Variants in SAMD11 observed in about 807,000 individuals in gnomAD.
SAMD11 encodes sterile alpha motif domain containing 11, also known as sterile alpha motif domain-containing protein 11.
In SAMD11, 77 loss-of-function variants were observed where a neutral mutation model predicts 64.4. The observed-to-expected ratio is 1.20, with a 90% CI of 0.99 to 1.44. SAMD11 has a LOEUF of 1.44. Among genes scored for constraint, SAMD11 ranks in the 40% most tolerant of loss-of-function variants. The pLI is 0.00. For synonymous variants in SAMD11, 658 were observed against 421.9 expected (o/e 1.56, Z -6.86); for missense variants, 1,402 against 943.3 (o/e 1.49, Z -6.37).
At chr1:940,291 C>T (rs1373247200) in intron 7 of SAMD11, 1 of 48,984 alleles carries the variant, frequency 2.0e-5, no homozygotes, top group South Asian at 7.7e-4. Context: ...TCAGGCCGCG[C>T]CGCCGCCCCC....
In SAMD11 at chr1:934,906, GGGAGGCGGC is replaced by G. The variant is rs1235755594; in HGVS notation, c.843-865_843-857del. On this transcript the variant is annotated intron_variant, in intron 4 of 13. Coordinates refer to ENST00000616016, the MANE Select transcript of SAMD11 (RefSeq NM_001385641.1). ...AGGCGGCTGCGTTACAGGTGGGCGG[GGGAGGCGGC>G]TGCGTTACAGGTGGGCGGGGGGGGC... Among the ~76,000 whole-genome samples the G allele has an allele frequency of 2.6e-3, 332 of 126,114 alleles. 76 individuals carry two copies. The highest frequency in any genetic ancestry group is 9.4e-3 in the African/African-American group (297 of 31,642). The allele number at this position is 126,114 out of a possible 152,430, so 82.7% of individuals were successfully genotyped here.
chr1:942,178 C>G lies in SAMD11; in HGVS notation c.1401C>G (p.Ala467=). 2.8e-6 allele frequency: 4 copies of G among 1,432,124 alleles called. No homozygotes were observed. Among genetic ancestry groups the G allele is most frequent in the Non-Finnish European group, 3.7e-6 (4 of 1,089,170 alleles). The allele number at this position is 1,432,124 out of a possible 1,614,324, so 88.7% of individuals were successfully genotyped here. A position where few individuals can be genotyped will look rare whatever the true frequency, so the allele number is the denominator to read the frequency against. The part of the protein sequence containing the change: ...QPPPLLSPQN[A]PHVALGPHLR... ...CCCCCTTGCTGTCGCCGCAGAATGC[C>G]CCTCACGTCGCCCTGGGCCCCCATC... Residue 467 remains alanine (A), a synonymous_variant, in exon 9 of 14, where the codon GCC becomes GCG. Transcript: ENST00000616016.
chr1:939,540 T>C, intron 7 of SAMD11, 128 bp downstream of exon 7: 1 of 1,519,478 alleles, frequency 6.6e-7, no homozygotes, highest in Admixed American at 1.9e-5. Context: ...GCTGAGGCCC[T>C]GCTGACACCA....
intron 5 of SAMD11, among the ~76,000 whole-genome samples, chr1:938,180 G>A (rs1641557891): frequency 6.6e-6 from 1 of 152,188 alleles, no homozygotes; most frequent in Admixed American, 6.5e-5. Context: ...TGGAATGGGT[G>A]CGGTCGGCAG....
chr1:932,408 G>A (rs555601790), intron 4 of SAMD11, among the ~76,000 whole-genome samples: 4 of 152,334 alleles, frequency 2.6e-5, no homozygotes, highest in South Asian at 2.1e-4. Flanking sequence ...CATCCTGCAC[G>A]GGCCCTAGAA....
At chr1:935,950 G>A (rs1450551955) in intron 5 of SAMD11, 54 bp downstream of exon 5, 14 of 1,574,046 alleles carry the variant, frequency 8.9e-6, no homozygotes, top group East Asian at 4.6e-5. Flanking sequence ...GCCAGAGGAC[G>A]GTGGCGTCTC....
chr1:942,366 C>A, intron 9 of SAMD11, 44 bp from the exon 10 acceptor site: 2 of 1,238,154 alleles, frequency 1.6e-6, no homozygotes, highest in Non-Finnish European at 2.2e-6. Flanking sequence ...CCGGCTCGGA[C>A]CGCCTCGGAC....
In SAMD11 at chr1:942,779, C is replaced by A; in HGVS notation, c.1774C>A (p.Arg592=). 1 of 1,538,334 alleles carries A rather than the reference C, an allele frequency of 6.5e-7. No individual in the cohort carries two copies. Among genetic ancestry groups the A allele is most frequent in the Middle Eastern group, 1.8e-4 (1 of 5,570 alleles). ...GPPTPSRDSA[R]RAPRKGGPGP... ...CCCCACCCCGTCCCGGGACTCTGCC[C>A]GGCGAGCCCCCCGGAAGGGGGGTCC... The change falls in exon 11 of 14, where the codon CGG becomes AGG. Residue 592 remains arginine, a synonymous_variant. Coordinates refer to ENST00000616016, the MANE Select transcript of SAMD11 (RefSeq NM_001385641.1).
chr1:930,085 C>G, intron 2 of SAMD11, 70 bp from the exon 3 acceptor site: 1 of 1,487,974 alleles, frequency 6.7e-7, no homozygotes, highest in South Asian at 1.3e-5. Context: ...CGGTCCAGCC[C>G]CACCTTCCTC....
At chr1:936,104 C>T (rs937479284) in intron 5 of SAMD11, among the ~76,000 whole-genome samples, 8 of 152,204 alleles carry the variant, frequency 5.3e-5, no homozygotes, top group Non-Finnish European at 1.2e-4. Flanking sequence ...CTGTGGCTGC[C>T]GCTGGGGTGG....
chr1:926,956 G>T (rs1283867064), intron 2 of SAMD11, among the ~76,000 whole-genome samples: 1 of 152,170 alleles, frequency 6.6e-6, no homozygotes, highest in Non-Finnish European at 1.5e-5. Context: ...CCTGAGGTAG[G>T]ATGGGGGAGG....
At chr1:928,167 G>A (rs546801172) in intron 2 of SAMD11, among the ~76,000 whole-genome samples, 32 of 152,348 alleles carry the variant, frequency 2.1e-4, no homozygotes, top group Non-Finnish European at 2.9e-5. Flanking sequence ...GCCGAGGCGG[G>A]CGGATCACGA....
chr1:925,913 T>G lies in SAMD11; in HGVS notation c.518-9T>G. 4.4e-6 allele frequency: 7 copies of G among 1,604,466 alleles called. No homozygotes were observed. Among genetic ancestry groups the G allele is most frequent in the Non-Finnish European group, 6.0e-6 (7 of 1,174,288 alleles). ...TCCCTCACAGGGTCTGCCTCGGCTC[T>G]GCTCGCAGGGAAAAGTCTGAAGACG... On this transcript the variant is annotated splice_polypyrimidine_tract_variant and intron_variant, in intron 1 of 13. Coordinates refer to ENST00000616016, the MANE Select transcript of SAMD11 (RefSeq NM_001385641.1).
chr1:926,350 G>C (rs1259081772), intron 2 of SAMD11, among the ~76,000 whole-genome samples: 1 of 152,222 alleles, frequency 6.6e-6, no homozygotes, highest in Non-Finnish European at 1.5e-5. Context: ...ACGTGGGCCT[G>C]GCACTGTGCC....
intron 4 of SAMD11, among the ~76,000 whole-genome samples, chr1:933,304 G>A (rs549155888): frequency 6.6e-6 from 1 of 152,322 alleles, no homozygotes; most frequent in African/African-American, 2.4e-5. Context: ...TTCAGGGGCC[G>A]GGCCAGGCCA....
chr1:932,157 T>C (rs1641195899), intron 4 of SAMD11, among the ~76,000 whole-genome samples: 1 of 152,258 alleles, frequency 6.6e-6, no homozygotes, highest in Non-Finnish European at 1.5e-5. Flanking sequence ...ACCTGATCAT[T>C]TTTATGAACT....
intron 5 of SAMD11, 69 bp from the exon 6 acceptor site, chr1:938,971 G>T (rs2100342208): frequency 2.2e-6 from 3 of 1,385,254 alleles, no homozygotes; most frequent in Non-Finnish European, 3.0e-6. Flanking sequence ...TCCAGGCTGA[G>T]CTGGAGCAGG....
At chr1:937,085 ACCCGTGTCCAGGT>A (rs1641496097) in intron 5 of SAMD11, among the ~76,000 whole-genome samples, 1 of 151,948 alleles carries the variant, frequency 6.6e-6, no homozygotes, top group Admixed American at 6.5e-5. Flanking sequence ...CGTGTCCTGG[ACCCGTGTCCAGGT>A]CTCCCATACG....
At chr1:932,179 T>A (rs939654798) in intron 4 of SAMD11, among the ~76,000 whole-genome samples, 1 of 152,252 alleles carries the variant, frequency 6.6e-6, no homozygotes, top group Non-Finnish European at 1.5e-5. Flanking sequence ...TCATGAACAC[T>A]GATGACATTT....
Sources: allele counts gnomAD v4.1 joint callset (sites outside exome capture counted in the v4.1 genomes callset), GRCh38; gene constraint gnomAD v4.1.1; transcripts MANE v1.5; gene names NCBI Gene and HGNC (gene_info 2026-07-23, HGNC 2026-07-21).